ZNF474: variants seen among roughly 807,000 people sequenced by gnomAD.
ZNF474 encodes the protein zinc finger protein 474, also known as 4933409D10Rik.
For missense variants in ZNF474, 511 were observed against 433.8 expected, an observed-to-expected ratio of 1.18 and a Z score of -1.58; for synonymous variants, 192 against 162.2, an observed-to-expected ratio of 1.18 and a Z score of -1.39.
At chr5:122,138,591 A>G (rs1471381394) in intron 1 of ZNF474, among the ~76,000 whole-genome samples, 44 of 152,266 alleles carry the variant, frequency 2.9e-4, no homozygotes, top group Non-Finnish European at 2.9e-5. Context: ...CTCTCAGCCA[A>G]CAATTGTCCT....
At chr5:122,150,899 G>GTATC (rs1392085183) in intron 1 of ZNF474, among the ~76,000 whole-genome samples, 1 of 152,148 alleles carries the variant, frequency 6.6e-6, no homozygotes, top group African/African-American at 2.4e-5. Context: ...CAGCATCTGT[G>GTATC]TATCATCTTT....
At chr5:122,133,792 C>T (rs1378899492) in intron 1 of ZNF474, among the ~76,000 whole-genome samples, 1 of 152,164 alleles carries the variant, frequency 6.6e-6, no homozygotes, top group African/African-American at 2.4e-5. Context: ...AACTCCTGAG[C>T]TCAAGCAATC....
intron 1 of ZNF474, among the ~76,000 whole-genome samples, chr5:122,138,073 A>G (rs1020801021): frequency 6.6e-6 from 1 of 152,250 alleles, no homozygotes; most frequent in African/African-American, 2.4e-5. Flanking sequence ...AGGTTATCCA[A>G]TATCAAATGG....
chr5:122,142,049 G>A (rs890432833), intron 1 of ZNF474, among the ~76,000 whole-genome samples: 4 of 152,124 alleles, frequency 2.6e-5, no homozygotes, highest in African/African-American at 9.7e-5. Context: ...TGTTGGCATC[G>A]CCTTCTCTCT....
intron 1 of ZNF474, chr5:122,148,082 G>C (rs1756037918): frequency 1.3e-5 from 2 of 152,216 alleles, no homozygotes; most frequent in African/African-American, 4.8e-5. Context: ...TTGGGTGACA[G>C]GCCAATTTCT....
At chr5:122,142,315 C>G (rs926504772) in intron 1 of ZNF474, among the ~76,000 whole-genome samples, 45 of 152,322 alleles carry the variant, frequency 3.0e-4, no homozygotes, top group Admixed American at 2.3e-3. Context: ...TTAAATTAAA[C>G]TCTTCCCATC....
At chr5:122,146,915 A>G (rs1303302278) in intron 1 of ZNF474, among the ~76,000 whole-genome samples, 1 of 152,194 alleles carries the variant, frequency 6.6e-6, no homozygotes, top group Non-Finnish European at 1.5e-5. Context: ...CTTTTCAAGA[A>G]TTGTTCTTAC....
Position 122,152,431 on chromosome 5 carries a change from C to A in ZNF474, c.441C>A (p.Ser147=), listed in dbSNP as rs750218134. ...SKPQSLSSSG[S]YSLQATNEAA... is the part of the protein sequence containing the mutation. The stretch of plus-strand genomic sequence containing the variant: ...CACAGTCTCTCAGCAGCAGTGGGTC[C>A]TACAGTCTTCAGGCAACTAACGAGG... Residue 147 remains serine, a synonymous_variant, in exon 2 of 2, where the codon TCC becomes TCA. Coordinates refer to ENST00000296600, the MANE Select transcript of ZNF474 (RefSeq NM_207317.3). 5 of 1,614,060 alleles carry A rather than the reference C, an allele frequency of 3.1e-6. No homozygotes were observed. The highest frequency in any genetic ancestry group is 2.7e-5 in the African/African-American group (2 of 74,940).
At chr5:122,141,093 A>G (rs1561439434) in intron 1 of ZNF474, among the ~76,000 whole-genome samples, 1 of 144,872 alleles carries the variant, frequency 6.9e-6, no homozygotes, top group Non-Finnish European at 1.5e-5. Flanking sequence ...TTATTTTTTT[A>G]TTTTTTATTT....
intron 1 of ZNF474, among the ~76,000 whole-genome samples, chr5:122,142,545 C>A (rs545669385): frequency 6.6e-6 from 1 of 152,236 alleles, no homozygotes; most frequent in South Asian, 2.1e-4. Flanking sequence ...TCTGGGGACA[C>A]AAAGAATGAA....
intron 1 of ZNF474, among the ~76,000 whole-genome samples, chr5:122,144,904 G>A (rs1037051519): frequency 3.9e-5 from 6 of 152,098 alleles, no homozygotes; most frequent in African/African-American, 1.4e-4. Context: ...CATGACTCTT[G>A]GGTACTCTGT....
intron 1 of ZNF474, among the ~76,000 whole-genome samples, chr5:122,137,842 T>A (rs886147688): frequency 5.4e-4 from 82 of 152,176 alleles, no homozygotes; most frequent in African/African-American, 1.8e-3. Flanking sequence ...GATTGTAGCT[T>A]AAGGAGTTAA....
intron 1 of ZNF474, among the ~76,000 whole-genome samples, chr5:122,145,832 T>C (rs1462575919): frequency 6.6e-6 from 1 of 152,194 alleles, no homozygotes; most frequent in Non-Finnish European, 1.5e-5. Context: ...ATATCACAGA[T>C]TATTATTACT....
chr5:122,152,800 G>C lies in ZNF474; in HGVS notation c.810G>C (p.Pro270=), dbSNP rs764546936. ...TCCCACAGAAGCCTCAGCCCCTTCC[G>C]AATGCACAGTCCAGCCAAGCGGGAC... The part of the protein sequence containing the change: ...QPLPQKPQPL[P]NAQSSQAGPN... Residue 270 remains proline (P), a synonymous_variant, in exon 2 of 2, where the codon CCG becomes CCC. Coordinates refer to ENST00000296600, the MANE Select transcript of ZNF474 (RefSeq NM_207317.3). 1.9e-6 allele frequency: 3 copies of C among 1,613,998 alleles called. No individual in the cohort carries two copies. The highest frequency in any genetic ancestry group is 2.5e-6 in the Non-Finnish European group (3 of 1,180,014).
intron 1 of ZNF474, among the ~76,000 whole-genome samples, chr5:122,134,333 C>T (rs571671644): frequency 3.8e-4 from 58 of 152,282 alleles, no homozygotes; most frequent in Admixed American, 9.2e-4. Flanking sequence ...TAACAGGAGC[C>T]TTATGGAGTT....
intron 1 of ZNF474, among the ~76,000 whole-genome samples, chr5:122,131,535 A>G (rs370554637): frequency 6.2e-4 from 95 of 152,236 alleles, no homozygotes; most frequent in South Asian, 4.1e-3. Context: ...AGGACATTAT[A>G]CTAAGTGAAA....
chr5:122,142,126 C>A (rs1464822779), intron 1 of ZNF474, among the ~76,000 whole-genome samples: 1 of 152,216 alleles, frequency 6.6e-6, no homozygotes, highest in Non-Finnish European at 1.5e-5. Context: ...ATACTCTTCA[C>A]TCTCTTTCTA....
Position 122,152,034 on chromosome 5 carries a change from A to T in ZNF474, c.44A>T (p.Gln15Leu). The T allele has an allele frequency of 6.2e-7, 1 of 1,612,528 alleles. No individual in the cohort carries two copies. The highest frequency in any genetic ancestry group is 8.5e-7 in the Non-Finnish European group (1 of 1,179,656). The change falls in exon 2 of 2, where the codon CAA becomes CTA. Residue 15 changes from glutamine (Q) to leucine (L), a missense_variant. Coordinates refer to ENST00000296600, the MANE Select transcript of ZNF474 (RefSeq NM_207317.3). ...AAAAGAATTTCCAATAAGTTACAAC[A>T]AACTTTTCACCATTCTAAAGAACCC... ...KKKRISNKLQ[Q>L]TFHHSKEPTF...
chr5:122,134,280 C>T (rs888906155), intron 1 of ZNF474, among the ~76,000 whole-genome samples: 1 of 152,116 alleles, frequency 6.6e-6, no homozygotes, highest in African/African-American at 2.4e-5. Flanking sequence ...TAGAAGGTCC[C>T]CCAAGGTGCA....
Sources: gnomAD v4.1 joint callset for allele counts (sites outside exome capture counted in the v4.1 genomes callset) on GRCh38, gnomAD v4.1.1 for gene constraint, MANE v1.5 for transcripts, NCBI Gene and HGNC (gene_info 2026-07-23, HGNC 2026-07-21) for gene names.